The following TIAM2 variants were observed in gnomAD, a reference collection of about 807,000 sequenced individuals.
The protein encoded by TIAM2 is TIAM Rac1 associated GEF 2.
A neutral mutation model predicts 152.9 loss-of-function variants in TIAM2; 80 were observed. The observed-to-expected ratio is 0.52, with a 90% CI of 0.44 to 0.63. TIAM2 has a LOEUF of 0.63. TIAM2 is among the 30% of genes least tolerant of loss of function. The probability of loss-of-function intolerance (pLI) is 0.00; values close to 1 mark genes in which losing one functional copy is unlikely to be tolerated. For synonymous variants in TIAM2, 804 were observed against 838.0 expected (o/e 0.96, Z 0.70); for missense variants, 1,965 against 2,120.1 (o/e 0.93, Z 1.44).
At chr6:155,059,500 G>T (rs889842887) in intron 1 of TIAM2, among the ~76,000 whole-genome samples, 1 of 151,900 alleles carries the variant, frequency 6.6e-6, no homozygotes, top group Admixed American at 6.6e-5. Context: ...TTTTTTAGCC[G>T]AGATCGGGTT....
At chr6:155,118,771 A>G (rs1293904986) in intron 2 of TIAM2, among the ~76,000 whole-genome samples, 1 of 150,888 alleles carries the variant, frequency 6.6e-6, no homozygotes, top group Non-Finnish European at 1.5e-5. Flanking sequence ...AATCCTACTC[A>G]TCCTCCAAGA....
intron 1 of TIAM2, among the ~76,000 whole-genome samples, chr6:155,089,254 G>T (rs1230844730): frequency 6.6e-6 from 1 of 152,016 alleles, no homozygotes; most frequent in Non-Finnish European, 1.5e-5. Flanking sequence ...GAGTCTCTCT[G>T]TCACCCAGGC....
intron 14 of TIAM2, among the ~76,000 whole-genome samples, chr6:155,205,380 G>A (rs1042913336): frequency 6.6e-6 from 1 of 152,018 alleles, no homozygotes; most frequent in African/African-American, 2.4e-5. Flanking sequence ...TCAGACTTTG[G>A]GGTGGAGTGG....
intron 4 of TIAM2, among the ~76,000 whole-genome samples, 199 bp downstream of exon 4, chr6:155,130,616 T>G (rs1004597084): frequency 6.6e-6 from 1 of 152,236 alleles, no homozygotes; most frequent in Admixed American, 6.5e-5. Context: ...ATTTTCACTT[T>G]TAGCCCACAA....
intron 1 of TIAM2, among the ~76,000 whole-genome samples, chr6:155,043,999 A>G (rs1777104877): frequency 6.6e-6 from 1 of 152,180 alleles, no homozygotes; most frequent in African/African-American, 2.4e-5. Flanking sequence ...AGAAAATCAG[A>G]TGGTTGTAAT....
At chr6:155,094,040 G>C (rs1313672285) in intron 2 of TIAM2, among the ~76,000 whole-genome samples, 2 of 152,206 alleles carry the variant, frequency 1.3e-5, no homozygotes, top group Non-Finnish European at 2.9e-5. Context: ...CCTAGAAAAT[G>C]TGATCAGGGG....
intron 7 of TIAM2, among the ~76,000 whole-genome samples, chr6:155,164,144 T>TTTTTTTTTTTTTTTTTA (rs1780354064): frequency 7.2e-6 from 1 of 138,534 alleles, no homozygotes; most frequent in Non-Finnish European, 1.6e-5. Context: ...TTTTTTTTTT[T>TTTTTTTTTTTTTTTTTA]TCTTTTTTTT....
intron 2 of TIAM2, among the ~76,000 whole-genome samples, chr6:155,115,089 A>C (rs918869517): frequency 4.6e-5 from 7 of 151,776 alleles, no homozygotes; most frequent in Admixed American, 2.6e-4. Flanking sequence ...CGGACTCCCA[A>C]ATTGCTGGGA....
At chr6:155,245,758 T>TTTTTG (rs1783286947) in intron 19 of TIAM2, 27 bp downstream of exon 19, 1 of 1,430,212 alleles carries the variant, frequency 7.0e-7, no homozygotes, top group African/African-American at 1.5e-5. Flanking sequence ...TTTTATAGTT[T>TTTTTG]TTTTTTTTTT....
intron 14 of TIAM2, among the ~76,000 whole-genome samples, chr6:155,205,209 A>G (rs908538363): frequency 7.0e-6 from 1 of 142,154 alleles, no homozygotes; most frequent in Non-Finnish European, 1.5e-5. Flanking sequence ...AAAAAAAAAA[A>G]AAAAAAAAAA....
At chr6:155,040,394 C>G in intron 1 of TIAM2, among the ~76,000 whole-genome samples, 1 of 152,068 alleles carries the variant, frequency 6.6e-6, no homozygotes, top group South Asian at 2.1e-4. Flanking sequence ...AGCAACTTGC[C>G]GAATGTCAGG....
chr6:155,192,845 C>G (rs1418624519), intron 14 of TIAM2, among the ~76,000 whole-genome samples: 1 of 152,150 alleles, frequency 6.6e-6, no homozygotes, highest in African/African-American at 2.4e-5. Context: ...TTTTGATACT[C>G]CTTTCAGACA....
chr6:155,004,094 C>T (rs1160642994), intron 1 of TIAM2, among the ~76,000 whole-genome samples: 8 of 152,180 alleles, frequency 5.3e-5, no homozygotes, highest in African/African-American at 1.9e-4. Flanking sequence ...CCAGGCTGTC[C>T]TGAACTCCTG....
chr6:155,256,392 TAATGTTAAATCTTACAC>T, intron 26 of TIAM2, 75 bp from the exon 27 acceptor site: 1 of 1,554,002 alleles, frequency 6.4e-7, no homozygotes, highest in Non-Finnish European at 8.7e-7. Flanking sequence ...AATAAAATCT[TAATGTTAAATCTTACAC>T]AAGCTTTGAG....
At chr6:155,052,611 C>T (rs932719835) in intron 1 of TIAM2, among the ~76,000 whole-genome samples, 9 of 151,814 alleles carry the variant, frequency 5.9e-5, no homozygotes, top group East Asian at 1.9e-4. Context: ...ACTAAAACTA[C>T]AAAAATTAGT....
intron 5 of TIAM2, among the ~76,000 whole-genome samples, chr6:155,143,085 T>C (rs1281472975): frequency 1.3e-5 from 2 of 152,218 alleles, no homozygotes; most frequent in African/African-American, 2.4e-5. Flanking sequence ...CAGGCTGGTG[T>C]TTCTTTCCTG....
intron 1 of TIAM2, among the ~76,000 whole-genome samples, chr6:155,089,298 A>G (rs887207445): frequency 5.3e-5 from 8 of 151,916 alleles, no homozygotes; most frequent in African/African-American, 1.9e-4. Flanking sequence ...GCTCATTGCA[A>G]CCTCTGCCTC....
intron 21 of TIAM2, chr6:155,250,678 T>C: frequency 6.7e-7 from 1 of 1,483,584 alleles, no homozygotes; most frequent in Non-Finnish European, 9.1e-7. Flanking sequence ...CTCACCTACA[T>C]GTGCGTGCAC....
At chr6:155,119,159 C>T (rs772235830) in intron 2 of TIAM2, among the ~76,000 whole-genome samples, 1 of 151,808 alleles carries the variant, frequency 6.6e-6, no homozygotes, top group Non-Finnish European at 1.5e-5. Flanking sequence ...TCCAGCCTCC[C>T]GAGTAGCTGG....
Sources: gnomAD v4.1 joint callset for allele counts (sites outside exome capture counted in the v4.1 genomes callset) on GRCh38, gnomAD v4.1.1 for gene constraint, MANE v1.5 for transcripts, NCBI Gene and HGNC (gene_info 2026-07-23, HGNC 2026-07-21) for gene names.